ADGRB3: variants seen among roughly 807,000 people sequenced by gnomAD.
The protein encoded by ADGRB3 is adhesion G protein-coupled receptor B3, also known as brain-specific angiogenesis inhibitor 3.
A neutral mutation model predicts 193.4 loss-of-function variants in ADGRB3; 37 were observed. That is an observed-to-expected ratio of 0.19 (90% CI 0.15 to 0.25). The LOEUF is 0.25. ADGRB3 is among the 10% of genes least tolerant of loss of function. ADGRB3 has a pLI of 1.00. For synonymous variants in ADGRB3, 690 were observed against 644.2 expected (o/e 1.07, Z -1.08); for missense variants, 1,637 against 1,852.9 (o/e 0.88, Z 2.14).
At chr6:68,829,126 G>A (rs1229684408) in intron 3 of ADGRB3, among the ~76,000 whole-genome samples, 1 of 106,040 alleles carries the variant, frequency 9.4e-6, no homozygotes, top group Non-Finnish European at 1.7e-5. Context: ...TTGAGATGGT[G>A]TCTTGCTCTG....
intron 17 of ADGRB3, among the ~76,000 whole-genome samples, chr6:69,183,274 G>T (rs888549602): frequency 6.6e-6 from 1 of 152,040 alleles, no homozygotes; most frequent in Non-Finnish European, 1.5e-5. Flanking sequence ...CAAATGAAAT[G>T]GTAAAATCTA....
Position 68,639,036 on chromosome 6 carries a change from C to T in ADGRB3, c.361C>T (p.Leu121=), listed in dbSNP as rs190415498. 187 of 1,613,474 alleles carry T rather than the reference C, an allele frequency of 1.2e-4. No homozygotes were observed. The East Asian group carries it at 3.4e-3, about 29-fold the overall frequency. The change falls in exon 3 of 32, where the codon CTA becomes TTA. Residue 121 remains leucine, a synonymous_variant. Coordinates refer to ENST00000370598, the MANE Select transcript of ADGRB3 (RefSeq NM_001704.3). ...CAATTCCAAGAATGCTTTCGTTTTT[C>T]TACAGTATGATAAAAATTTTATTCA... ...LCNSKNAFVF[L]QYDKNFIQIR...
chr6:69,299,549 G>A (rs1027546055), intron 20 of ADGRB3, among the ~76,000 whole-genome samples: 1 of 151,798 alleles, frequency 6.6e-6, no homozygotes, highest in African/African-American at 2.4e-5. Flanking sequence ...ATTTTAATTT[G>A]ATTTTTGTTT....
chr6:68,660,098 G>A (rs887677508), intron 3 of ADGRB3, among the ~76,000 whole-genome samples: 7 of 150,762 alleles, frequency 4.6e-5, no homozygotes, highest in Admixed American at 2.0e-4. Context: ...CTTGAAATTC[G>A]TATAAGCACA....
chr6:69,058,559 T>G (rs537751184), intron 15 of ADGRB3, among the ~76,000 whole-genome samples: 1 of 152,166 alleles, frequency 6.6e-6, no homozygotes, highest in East Asian at 1.9e-4. Flanking sequence ...ATCTTTCTTC[T>G]TTTTTAATGT....
intron 17 of ADGRB3, among the ~76,000 whole-genome samples, chr6:69,172,666 A>G (rs1258730553): frequency 7.0e-6 from 1 of 142,274 alleles, no homozygotes; most frequent in African/African-American, 2.8e-5. Flanking sequence ...AAAAAAAAAA[A>G]AAAAAAGAGA....
intron 6 of ADGRB3, among the ~76,000 whole-genome samples, chr6:68,954,682 G>A (rs796272848): frequency 2.9e-5 from 4 of 139,846 alleles, no homozygotes; most frequent in African/African-American, 7.8e-5. Context: ...TCGTTCAATG[G>A]CTTTTTTTTT....
At chr6:69,187,277 T>C (rs988149380) in intron 17 of ADGRB3, among the ~76,000 whole-genome samples, 20 of 152,190 alleles carry the variant, frequency 1.3e-4, no homozygotes, top group Admixed American at 5.9e-4. Context: ...AAAAATAACA[T>C]ATTTCCCTAT....
In ADGRB3 at chr6:68,785,740, C is replaced by T. The variant is rs184256200; in HGVS notation, c.758-144819C>T. 1.4e-4 allele frequency among the ~76,000 whole-genome samples: 21 copies of T among 152,242 alleles called. 1 individual carries two copies. The highest frequency in any genetic ancestry group is 5.1e-4 in the African/African-American group (21 of 41,540). ...CCCTGAGAAATCGCCACACCAACTT[C>T]CACAATGGTTGAAATGGTTTACAGT... On this transcript the variant is annotated intron_variant, in intron 3 of 31. Transcript: ENST00000370598.
At chr6:69,315,088 A>G (rs987116359) in intron 20 of ADGRB3, among the ~76,000 whole-genome samples, 1 of 151,560 alleles carries the variant, frequency 6.6e-6, no homozygotes, top group Non-Finnish European at 1.5e-5. Flanking sequence ...TATAACATCT[A>G]TTTATTTGTC....
chr6:68,649,919 C>T (rs777051991), intron 3 of ADGRB3, among the ~76,000 whole-genome samples: 7 of 152,096 alleles, frequency 4.6e-5, no homozygotes, highest in African/African-American at 1.7e-4. Context: ...CTCCTTTAAG[C>T]CTATGGGCAG....
At chr6:69,167,781 T>C (rs1000668861) in intron 17 of ADGRB3, among the ~76,000 whole-genome samples, 24 of 152,116 alleles carry the variant, frequency 1.6e-4, no homozygotes, top group African/African-American at 5.8e-4. Flanking sequence ...AAATAGCTGG[T>C]TAGCCTGTAT....
At chr6:69,276,311 A>T (rs1767302119) in intron 20 of ADGRB3, among the ~76,000 whole-genome samples, 1 of 152,236 alleles carries the variant, frequency 6.6e-6, no homozygotes, top group Non-Finnish European at 1.5e-5. Context: ...TATCAGCAAA[A>T]GGCCAAATAG....
At chr6:69,143,679 A>G (rs764409359) in intron 17 of ADGRB3, among the ~76,000 whole-genome samples, 1 of 152,144 alleles carries the variant, frequency 6.6e-6, no homozygotes, top group Non-Finnish European at 1.5e-5. Context: ...TTTGTGGTAA[A>G]TGAGTTCACT....
chr6:68,723,969 C>A (rs951482497), intron 3 of ADGRB3, among the ~76,000 whole-genome samples: 1 of 151,488 alleles, frequency 6.6e-6, no homozygotes, highest in Admixed American at 6.6e-5. Flanking sequence ...CACAGGACAA[C>A]CTTCCACATC....
chr6:69,054,910 GTTTT>G (rs901498776), intron 15 of ADGRB3, among the ~76,000 whole-genome samples: 5 of 152,060 alleles, frequency 3.3e-5, no homozygotes, highest in Non-Finnish European at 7.4e-5. Flanking sequence ...GAAATCATCT[GTTTT>G]ATTTTGGTCT....
intron 17 of ADGRB3, among the ~76,000 whole-genome samples, chr6:69,102,481 T>A (rs1324060934): frequency 6.6e-6 from 1 of 152,230 alleles, no homozygotes; most frequent in Non-Finnish European, 1.5e-5. Context: ...GTTTACTGTG[T>A]TTCAGCTTTT....
At chr6:68,773,193 T>C (rs1766673694) in intron 3 of ADGRB3, among the ~76,000 whole-genome samples, 1 of 152,014 alleles carries the variant, frequency 6.6e-6, no homozygotes, top group South Asian at 2.1e-4. Flanking sequence ...TCAATATTAC[T>C]TTTTCATTTA....
intron 17 of ADGRB3, among the ~76,000 whole-genome samples, chr6:69,154,243 C>T (rs1474048186): frequency 6.6e-6 from 1 of 152,116 alleles, no homozygotes. Context: ...GAAAGATTTG[C>T]TTTGATAATC....
Sources: allele counts gnomAD v4.1 joint callset (sites outside exome capture counted in the v4.1 genomes callset), GRCh38; gene constraint gnomAD v4.1.1; transcripts MANE v1.5; gene names NCBI Gene and HGNC (gene_info 2026-07-23, HGNC 2026-07-21).